Variants in CHST8 observed in about 807,000 individuals in gnomAD.
CHST8 encodes GALNAC-4-ST1.
In CHST8, 10 loss-of-function variants were observed where a neutral mutation model predicts 15.0. The ratio of observed to expected loss-of-function variants is 0.67; its 90% confidence interval spans 0.41 to 1.13. The LOEUF (loss-of-function observed/expected upper bound fraction) is 1.13. Ranked by LOEUF, CHST8 falls within the 50% of genes most tolerant of loss-of-function variation. CHST8 has a pLI of 0.00. For synonymous variants in CHST8, 259 were observed against 256.6 expected, an observed-to-expected ratio of 1.01 and a Z score of -0.09; for missense variants, 634 against 608.2, an observed-to-expected ratio of 1.04 and a Z score of -0.45.
At chr19:33,757,010 A>C (rs181209098) in intron 3 of CHST8, among the ~76,000 whole-genome samples, 25 of 152,222 alleles carry the variant, frequency 1.6e-4, no homozygotes, top group African/African-American at 5.5e-4. Context: ...CTGTGCTCCC[A>C]TGATGGTCTG....
chr19:33,731,777 C>A (rs1417259430), intron 3 of CHST8, among the ~76,000 whole-genome samples: 1 of 152,212 alleles, frequency 6.6e-6, no homozygotes, highest in African/African-American at 2.4e-5. Flanking sequence ...ACAAGGAGCC[C>A]AGAGCCTGTG....
intron 3 of CHST8, among the ~76,000 whole-genome samples, chr19:33,770,526 C>T (rs1005008317): frequency 2.6e-5 from 4 of 152,204 alleles, no homozygotes; most frequent in Non-Finnish European, 1.5e-5. Context: ...TGTCCTCCTG[C>T]GACTTTCCCC....
At chr19:33,710,343 G>C (rs13345730) in intron 3 of CHST8, among the ~76,000 whole-genome samples, 1 of 151,686 alleles carries the variant, frequency 6.6e-6, no homozygotes, top group East Asian at 1.9e-4. Context: ...TTATTTCCTT[G>C]CTTTAGTTTG....
chr19:33,684,269 G>T (rs1335520536), intron 2 of CHST8, among the ~76,000 whole-genome samples: 3 of 152,210 alleles, frequency 2.0e-5, no homozygotes, highest in East Asian at 1.9e-4. Context: ...GGCTGGGGGG[G>T]AGTGGAGAGA....
chr19:33,743,531 G>A (rs1974245230), intron 3 of CHST8, among the ~76,000 whole-genome samples: 1 of 152,020 alleles, frequency 6.6e-6, no homozygotes, highest in Non-Finnish European at 1.5e-5. Flanking sequence ...TCGATCTCCT[G>A]ACCTCGTGAT....
Position 33,773,138 on chromosome 19 carries a change from C to T in CHST8, c.*75C>T, listed in dbSNP as rs1367484330. ...CTCCCGGGCATCCTCCTGTCCCTGG[C>T]TCCTCATCCTGGGAGCAACAGGGCT... On this transcript the variant is annotated 3_prime_UTR_variant, in exon 5 of 5. Transcript: ENST00000650847. 2 of 1,442,034 alleles carry T rather than the reference C, an allele frequency of 1.4e-6. No individual in the cohort carries two copies. Among genetic ancestry groups the T allele is most frequent in the South Asian group, 1.4e-5 (1 of 73,158 alleles). The allele number at this position is 1,442,034 out of a possible 1,614,324, so 89.3% of individuals were successfully genotyped here.
At position 33,765,555 on chromosome 19, in the gene CHST8, CAGAGAGAG is replaced by C. The variant is rs3073708; in HGVS notation, c.131-5836_131-5829del. ...TGTGTGTGTGTGTGTGTGTGTGTGT[CAGAGAGAG>C]AGAGAGAGAGAGAGAGAGAGACGGA... On this transcript the variant is annotated intron_variant, in intron 3 of 4. Coordinates refer to ENST00000650847, the MANE Select transcript of CHST8 (RefSeq NM_001127895.2). 3.7e-3 allele frequency among the ~76,000 whole-genome samples: 469 copies of C among 125,888 alleles called. 3 individuals carry two copies. The highest frequency in any genetic ancestry group is 6.1e-3 in the Non-Finnish European group (362 of 59,454). 82.6% of individuals were successfully genotyped at this position (125,888 alleles called of 152,430 possible). A position where few individuals can be genotyped will look rare whatever the true frequency, so the allele number is the denominator to read the frequency against.
At chr19:33,690,223 A>G (rs917331891) in intron 3 of CHST8, among the ~76,000 whole-genome samples, 10 of 152,260 alleles carry the variant, frequency 6.6e-5, no homozygotes, top group African/African-American at 2.4e-4. Flanking sequence ...TAGGGCATGG[A>G]CAAGCTGGTG....
At chr19:33,751,473 C>A (rs1974419573) in intron 3 of CHST8, among the ~76,000 whole-genome samples, 1 of 152,236 alleles carries the variant, frequency 6.6e-6, no homozygotes. Flanking sequence ...CCTCAAGCAG[C>A]CCCCATCAGG....
intron 3 of CHST8, among the ~76,000 whole-genome samples, chr19:33,699,299 GGGGTCAA>G (rs1973286905): frequency 6.6e-6 from 1 of 152,218 alleles, no homozygotes; most frequent in African/African-American, 2.4e-5. Context: ...ACAATCTGTG[GGGGTCAA>G]GGAAGGAGGT....
At chr19:33,763,518 C>T (rs1974776191) in intron 3 of CHST8, among the ~76,000 whole-genome samples, 1 of 152,228 alleles carries the variant, frequency 6.6e-6, no homozygotes, top group African/African-American at 2.4e-5. Context: ...ACCCCACGTA[C>T]CTGTCCCGTG....
intron 2 of CHST8, among the ~76,000 whole-genome samples, chr19:33,686,482 T>C (rs1972982744): frequency 6.6e-6 from 1 of 152,182 alleles, no homozygotes; most frequent in Non-Finnish European, 1.5e-5. Flanking sequence ...CGGCCAGCTC[T>C]CTTGTAACCA....
intron 3 of CHST8, among the ~76,000 whole-genome samples, chr19:33,764,483 G>A (rs1341507264): frequency 6.6e-6 from 1 of 152,162 alleles, no homozygotes; most frequent in Non-Finnish European, 1.5e-5. Context: ...CTGGGTGACT[G>A]AGCAAGACTT....
chr19:33,728,189 A>C (rs999984679), intron 3 of CHST8, among the ~76,000 whole-genome samples: 1 of 152,250 alleles, frequency 6.6e-6, no homozygotes, highest in Non-Finnish European at 1.5e-5. Flanking sequence ...TCTTTCATGT[A>C]AATTTCATCC....
chr19:33,643,804 G>A lies in CHST8; in HGVS notation c.-164+21508G>A, dbSNP rs538812150. 5.3e-5 allele frequency among the ~76,000 whole-genome samples: 8 copies of A among 152,230 alleles called. No homozygotes were observed. In the South Asian group the frequency reaches 6.2e-4, roughly 12 times the overall value. ...ATTTTTATTATTTTGGATGTAGGGC[G>A]TCACATTTCAAATAATATCTAGCGA... On this transcript the variant is annotated intron_variant, in intron 1 of 4. Coordinates refer to ENST00000650847, the MANE Select transcript of CHST8 (RefSeq NM_001127895.2).
At chr19:33,698,992 C>A (rs1002261065) in intron 3 of CHST8, among the ~76,000 whole-genome samples, 2 of 152,192 alleles carry the variant, frequency 1.3e-5, no homozygotes, top group African/African-American at 4.8e-5. Flanking sequence ...TCTGGACTTA[C>A]ATCTACTCCA....
intron 3 of CHST8, among the ~76,000 whole-genome samples, chr19:33,733,299 T>A (rs1392980755): frequency 1.3e-5 from 2 of 149,678 alleles, no homozygotes; most frequent in African/African-American, 2.5e-5. Context: ...AATGACATGA[T>A]CTTGGCTCAC....
intron 1 of CHST8, among the ~76,000 whole-genome samples, chr19:33,624,837 G>C (rs1049909937): frequency 1.3e-5 from 2 of 152,182 alleles, no homozygotes; most frequent in African/African-American, 4.8e-5. Flanking sequence ...TAGTGAGTGC[G>C]GCTGTGCTTG....
chr19:33,738,813 C>T (rs901132081), intron 3 of CHST8, among the ~76,000 whole-genome samples: 14 of 152,188 alleles, frequency 9.2e-5, no homozygotes, highest in Non-Finnish European at 2.1e-4. Flanking sequence ...TGGTCTTGAA[C>T]TTCTGACCGT....
Sources: allele counts gnomAD v4.1 joint callset (sites outside exome capture counted in the v4.1 genomes callset), GRCh38; gene constraint gnomAD v4.1.1; transcripts MANE v1.5; gene names NCBI Gene and HGNC (gene_info 2026-07-23, HGNC 2026-07-21).